The following PLCH1 variants were observed in gnomAD, a reference collection of about 807,000 sequenced individuals.
PLCH1 encodes the protein phospholipase C eta 1.
Under a neutral mutation model 126.7 loss-of-function variants are expected in PLCH1, and 60 were observed. That is an observed-to-expected ratio of 0.47 (90% confidence interval 0.38 to 0.59). The LOEUF (loss-of-function observed/expected upper bound fraction) is 0.59. PLCH1 is among the 20% of genes least tolerant of loss of function. PLCH1 has a pLI of 0.00. For synonymous variants in PLCH1, 719 were observed against 734.9 expected (o/e 0.98, Z 0.35); for missense variants, 1,723 against 2,040.0 (o/e 0.84, Z 2.99).
At chr3:155,534,329 T>C (rs1436988474) in intron 10 of PLCH1, among the ~76,000 whole-genome samples, 1 of 152,230 alleles carries the variant, frequency 6.6e-6, no homozygotes, top group Non-Finnish European at 1.5e-5. Flanking sequence ...AGCTTTAAGA[T>C]TTAATGAGTG....
At chr3:155,543,612 G>C (rs535293930) in intron 10 of PLCH1, among the ~76,000 whole-genome samples, 5 of 152,120 alleles carry the variant, frequency 3.3e-5, no homozygotes, top group African/African-American at 1.2e-4. Context: ...TGAAATGACG[G>C]AAAAAATGTT....
chr3:155,744,314 T>C (rs534975206), intron 1 of PLCH1, among the ~76,000 whole-genome samples: 5 of 152,216 alleles, frequency 3.3e-5, no homozygotes, highest in Non-Finnish European at 5.9e-5. Context: ...CAATGGAGTA[T>C]ATCCTCCTCG....
chr3:155,628,577 AGGG>A (rs1737646085), intron 2 of PLCH1, among the ~76,000 whole-genome samples: 1 of 126,736 alleles, frequency 7.9e-6, no homozygotes, highest in East Asian at 2.2e-4. Flanking sequence ...GAGTTGGGGG[AGGG>A]GCTTCTTCAT....
At chr3:155,744,250 T>C (rs1749825156) in intron 1 of PLCH1, among the ~76,000 whole-genome samples, 1 of 152,134 alleles carries the variant, frequency 6.6e-6, no homozygotes, top group South Asian at 2.1e-4. Flanking sequence ...GGGCCGGGGT[T>C]TGCCTCCACC....
At chr3:155,492,932 A>G in intron 17 of PLCH1, 79 bp from the exon 18 acceptor site, 1 of 1,197,596 alleles carries the variant, frequency 8.4e-7, no homozygotes, top group Non-Finnish European at 1.1e-6. Context: ...AAACAAAGAA[A>G]CAAACAAACA....
chr3:155,569,353 C>T (rs1331028167), intron 6 of PLCH1, among the ~76,000 whole-genome samples: 1 of 152,114 alleles, frequency 6.6e-6, no homozygotes, highest in Admixed American at 6.6e-5. Context: ...TTAATACTTA[C>T]ATTTTAATAA....
intron 10 of PLCH1, among the ~76,000 whole-genome samples, chr3:155,543,570 A>C (rs889129775): frequency 1.3e-4 from 20 of 152,306 alleles, no homozygotes; most frequent in African/African-American, 2.9e-4. Flanking sequence ...AAAAGCAACT[A>C]CAAGACACAT....
chr3:155,677,136 A>G lies in PLCH1; in HGVS notation c.79+27010T>C, dbSNP rs181301326. The stretch of plus-strand genomic sequence containing the variant: ...GCATTCCCTTTCTAATATCGACCCT[A>G]TTGCCATTTTCTTCTCCCAGCTTCA... On this transcript the variant is annotated intron_variant, in intron 2 of 22. Coordinates refer to ENST00000460012, the MANE Select transcript of PLCH1 (RefSeq NM_014996.4). Among the ~76,000 whole-genome samples the G allele has an allele frequency of 1.4e-4, 22 of 152,078 alleles. No individual in the cohort carries two copies. In the East Asian group the frequency reaches 4.3e-3, roughly 29 times the overall value.
Position 155,482,320 on chromosome 3 carries a change from T to C in PLCH1, c.3706A>G (p.Lys1236Glu), listed in dbSNP as rs1364762713. The C allele has an allele frequency of 1.9e-6, 3 of 1,614,168 alleles. No individual in the cohort carries two copies. Among genetic ancestry groups the C allele is most frequent in the Non-Finnish European group, 2.5e-6 (3 of 1,180,022 alleles). The change falls in exon 23 of 23, where the codon AAG becomes GAG. Residue 1236 changes from lysine to glutamate, a missense_variant. Around this residue, in one of 2 missense-constraint regions of PLCH1, gnomAD observed 947 missense variants for 977.1 expected, o/e 0.97. Coordinates refer to ENST00000460012, the MANE Select transcript of PLCH1 (RefSeq NM_014996.4). ...LKMPIKHGFC[K>E]GKSKSSFLCS... ...AGGAAGGAAGACTTGGATTTTCCCTTGCAAAAACCATGCTTGATGGGCATT... is the reference window on the plus strand; with the variant it reads ...AGGAAGGAAGACTTGGATTTTCCCTCGCAAAAACCATGCTTGATGGGCATT...
At chr3:155,457,349 T>C (rs1712474679) in intron 21 of PLCH1, 1 of 152,226 alleles carries the variant, frequency 6.6e-6, no homozygotes, top group South Asian at 2.1e-4. Context: ...AGGCTTCAAG[T>C]GCCCATCATG....
At chr3:155,554,329 A>G in intron 8 of PLCH1, 133 bp from the exon 9 acceptor site, 1 of 781,086 alleles carries the variant, frequency 1.3e-6, no homozygotes, top group Admixed American at 2.7e-5. Context: ...GACGTGACAC[A>G]GACACAGAAA....
intron 10 of PLCH1, among the ~76,000 whole-genome samples, chr3:155,535,663 A>C (rs1252747657): frequency 6.6e-6 from 1 of 152,168 alleles, no homozygotes; most frequent in African/African-American, 2.4e-5. Flanking sequence ...GACACGCCTG[A>C]CCCTGCATCC....
chr3:155,635,042 A>G (rs758680249), intron 2 of PLCH1, among the ~76,000 whole-genome samples: 1 of 152,010 alleles, frequency 6.6e-6, no homozygotes, highest in Non-Finnish European at 1.5e-5. Flanking sequence ...GTTTGATGGG[A>G]CTGTGGTGAG....
chr3:155,602,515 G>A (rs1733863515), intron 2 of PLCH1, among the ~76,000 whole-genome samples: 1 of 149,764 alleles, frequency 6.7e-6, no homozygotes, highest in Non-Finnish European at 1.5e-5. Context: ...GTCATTAGGG[G>A]AGTTTGTCAT....
At chr3:155,504,400 A>C (rs1312241881) in intron 13 of PLCH1, among the ~76,000 whole-genome samples, 155 bp downstream of exon 13, 1 of 152,182 alleles carries the variant, frequency 6.6e-6, no homozygotes, top group East Asian at 1.9e-4. Flanking sequence ...AGAAGTTCTT[A>C]ACTTTTAAAG....
chr3:155,718,009 T>C (rs770945743), intron 1 of PLCH1, among the ~76,000 whole-genome samples: 4 of 152,230 alleles, frequency 2.6e-5, no homozygotes, highest in African/African-American at 7.2e-5. Flanking sequence ...CTTCTGAGCA[T>C]AGGCTGTTAG....
chr3:155,742,653 C>T (rs1749717710), intron 1 of PLCH1: 1 of 152,106 alleles, frequency 6.6e-6, no homozygotes, highest in South Asian at 2.1e-4. Context: ...AGTATCTGAA[C>T]CTGAAAATTA....
intron 4 of PLCH1, among the ~76,000 whole-genome samples, chr3:155,592,624 C>T (rs547035276): frequency 1.4e-3 from 208 of 152,310 alleles, no homozygotes; most frequent in African/African-American, 4.9e-3. Context: ...GAAGCCAACA[C>T]GGTGAGAATG....
chr3:155,621,527 G>C (rs771839238), intron 2 of PLCH1, among the ~76,000 whole-genome samples: 2 of 152,126 alleles, frequency 1.3e-5, no homozygotes, highest in Non-Finnish European at 2.9e-5. Flanking sequence ...AAGGTTAGAC[G>C]AATTGCTAAC....
Sources: allele counts gnomAD v4.1 joint callset (sites outside exome capture counted in the v4.1 genomes callset), GRCh38; gene constraint gnomAD v4.1.1; regional missense constraint gnomAD v4.1.1; transcripts MANE v1.5; gene names NCBI Gene and HGNC (gene_info 2026-07-23, HGNC 2026-07-21).